SP4: variants seen among roughly 807,000 people sequenced by gnomAD.
The protein encoded by SP4 is transcription factor Sp4.
SP4 carries 19 observed loss-of-function variants against 72.8 expected under a neutral mutation model. The ratio of observed to expected loss-of-function variants is 0.26; its 90% CI spans 0.18 to 0.38. The LOEUF (loss-of-function observed/expected upper bound fraction) is 0.38. Among genes scored for constraint, SP4 ranks in the 10% least tolerant of loss-of-function variants. SP4 has a pLI of 1.00. For synonymous variants in SP4, 395 were observed against 333.1 expected (o/e 1.19, Z -2.02); for missense variants, 1,008 against 926.3 (o/e 1.09, Z -1.14).
intron 3 of SP4, among the ~76,000 whole-genome samples, chr7:21,446,828 T>TC (rs1437663942): frequency 6.6e-6 from 1 of 151,880 alleles, no homozygotes; most frequent in Non-Finnish European, 1.5e-5. Context: ...AAATTCTTTT[T>TC]TTTTTTTCTT....
At position 21,430,273 on chromosome 7, in the gene SP4, T is replaced by A; in HGVS notation, c.1108T>A (p.Ser370Thr). The change falls in exon 3 of 6, where the codon TCT becomes ACT. Residue 370 changes from serine (S) to threonine (T), a missense_variant. By Grantham distance (58) the Ser-to-Thr change is moderately conservative (BLOSUM62 1). Around this residue, in one of 3 missense-constraint regions of SP4, gnomAD observed 893 missense variants for 743.3 expected, o/e 1.20. Transcript: ENST00000222584. ...EESQTPAATESEAQSSSQLQP... is the reference protein window; with the variant it reads ...EESQTPAATETEAQSSSQLQP... ...ATCTCAAACACCTGCTGCTACTGAG[T>A]CTGAAGCCCAGAGCTCCAGTCAGCT... 1 of 1,614,204 alleles carries A rather than the reference T, an allele frequency of 6.2e-7. No homozygotes were observed. Among genetic ancestry groups the A allele is most frequent in the Non-Finnish European group, 8.5e-7 (1 of 1,180,038 alleles).
intron 1 of SP4, 76 bp downstream of exon 1, chr7:21,428,334 T>TC (rs1369465884): frequency 5.4e-6 from 4 of 742,208 alleles, no homozygotes; most frequent in African/African-American, 5.2e-5. Flanking sequence ...TGCTCGGTTC[T>TC]CCCCCCTCCC....
At chr7:21,472,953 G>C (rs770319952) in intron 3 of SP4, among the ~76,000 whole-genome samples, 10 of 152,168 alleles carry the variant, frequency 6.6e-5, no homozygotes, top group Non-Finnish European at 1.3e-4. Flanking sequence ...AATAGATTTG[G>C]TCATTAGAAG....
intron 5 of SP4, among the ~76,000 whole-genome samples, chr7:21,506,343 C>G (rs1487403809): frequency 2.6e-5 from 4 of 152,168 alleles, no homozygotes; most frequent in Admixed American, 6.5e-5. Flanking sequence ...TCAGAAGGTG[C>G]TCCTGCCCCC....
At chr7:21,485,925 G>A (rs1264213363) in intron 5 of SP4, among the ~76,000 whole-genome samples, 2 of 151,644 alleles carry the variant, frequency 1.3e-5, no homozygotes, top group Non-Finnish European at 2.9e-5. Flanking sequence ...ATCTCATATT[G>A]GTTCTCAAGA....
At chr7:21,464,940 A>AT (rs2128403814) in intron 3 of SP4, among the ~76,000 whole-genome samples, 1 of 152,234 alleles carries the variant, frequency 6.6e-6, no homozygotes, top group South Asian at 2.1e-4. Context: ...TTTTTGATTT[A>AT]TTTTTCACCA....
At chr7:21,461,726 G>A (rs540763650) in intron 3 of SP4, among the ~76,000 whole-genome samples, 72 of 152,298 alleles carry the variant, frequency 4.7e-4, no homozygotes, top group East Asian at 7.7e-4. Flanking sequence ...CTCCTCAAGC[G>A]CAGCCAGAAT....
intron 3 of SP4, among the ~76,000 whole-genome samples, chr7:21,458,071 A>T (rs1217431782): frequency 2.0e-5 from 3 of 152,196 alleles, no homozygotes; most frequent in African/African-American, 4.8e-5. Context: ...GTCATGTATT[A>T]AAAGGATTTG....
intron 5 of SP4, among the ~76,000 whole-genome samples, chr7:21,502,396 T>C (rs1781893718): frequency 6.6e-6 from 1 of 152,092 alleles, no homozygotes; most frequent in Admixed American, 6.5e-5. Context: ...GTAGTTCATA[T>C]TCCCTGTAGA....
In SP4 at chr7:21,430,241, T is replaced by C. The variant is rs761698126; in HGVS notation, c.1076T>C (p.Ile359Thr). The C allele has an allele frequency of 2.5e-6, 4 of 1,614,224 alleles. No homozygotes were observed. Among genetic ancestry groups the C allele is most frequent in the South Asian group, 2.2e-5 (2 of 91,090 alleles). The stretch of plus-strand genomic sequence containing the variant: ...TCAGCCAGTAGTTCTGAACGCACCA[T>C]TGAAGAATCTCAAACACCTGCTGCT... ...STSASSSERTIEESQTPAATE... is the reference protein window; with the variant it reads ...STSASSSERTTEESQTPAATE... Residue 359 changes from isoleucine to threonine, a missense_variant, in exon 3 of 6, where the codon ATT becomes ACT. Physicochemically the swap from Ile to Thr is moderately conservative, Grantham distance 89. Coordinates refer to ENST00000222584, the MANE Select transcript of SP4 (RefSeq NM_003112.5).
chr7:21,449,736 A>G (rs1466298886), intron 3 of SP4, among the ~76,000 whole-genome samples: 1 of 152,190 alleles, frequency 6.6e-6, no homozygotes, highest in Non-Finnish European at 1.5e-5. Flanking sequence ...GTGTGAATAT[A>G]TGGTTTACCC....
intron 3 of SP4, among the ~76,000 whole-genome samples, chr7:21,459,255 T>G (rs6978922): frequency 0.77 from 116,891 of 152,072 alleles, 45,653 homozygotes; most frequent in African/African-American, 0.91. Flanking sequence ...GGGTAGCTGG[T>G]ACTACAGGCA....
At chr7:21,463,272 G>A (rs1784052869) in intron 3 of SP4, among the ~76,000 whole-genome samples, 1 of 152,110 alleles carries the variant, frequency 6.6e-6, no homozygotes, top group South Asian at 2.1e-4. Flanking sequence ...AAGGAAAGGG[G>A]AATGAGGATT....
At chr7:21,469,239 A>G (rs569969432) in intron 3 of SP4, among the ~76,000 whole-genome samples, 30 of 152,212 alleles carry the variant, frequency 2.0e-4, no homozygotes, top group African/African-American at 6.5e-4. Context: ...GTAAAAGAGG[A>G]TAATACAGAA....
In SP4 at chr7:21,445,406, T is replaced by C. The variant is rs570541862; in HGVS notation, c.1678+14563T>C. Among the ~76,000 whole-genome samples, 9 of 152,316 alleles carry C rather than the reference T, an allele frequency of 5.9e-5. No homozygotes were observed. In the East Asian group the frequency reaches 1.3e-3, roughly 23 times the overall value. On this transcript the variant is annotated intron_variant, in intron 3 of 5. Transcript: ENST00000222584. ...AGTATATGTGTAGAATTTATGTTCTTTAGCTAATCCTGCATGTAATTTTTA... is the reference window on the plus strand; with the variant it reads ...AGTATATGTGTAGAATTTATGTTCTCTAGCTAATCCTGCATGTAATTTTTA...
intron 3 of SP4, among the ~76,000 whole-genome samples, chr7:21,465,975 T>A (rs983924258): frequency 1.3e-5 from 2 of 152,196 alleles, no homozygotes; most frequent in Non-Finnish European, 2.9e-5. Flanking sequence ...CTCAGGGTTA[T>A]GTCTTTAAAT....
At chr7:21,496,452 C>T (rs1426559095) in intron 5 of SP4, among the ~76,000 whole-genome samples, 1 of 152,156 alleles carries the variant, frequency 6.6e-6, no homozygotes, top group African/African-American at 2.4e-5. Context: ...AAAGGGACTC[C>T]TGAAAATTAT....
At chr7:21,504,668 T>C (rs368130688) in intron 5 of SP4, among the ~76,000 whole-genome samples, 7 of 152,338 alleles carry the variant, frequency 4.6e-5, no homozygotes, top group African/African-American at 1.7e-4. Context: ...GGCAAATATT[T>C]GTTGTTACAA....
intron 4 of SP4, among the ~76,000 whole-genome samples, chr7:21,480,073 T>C (rs1056491956): frequency 3.3e-5 from 5 of 152,192 alleles, no homozygotes; most frequent in Non-Finnish European, 7.3e-5. Context: ...GAGATAGTTT[T>C]TACTTTTTCC....
Sources: allele counts gnomAD v4.1 joint callset (sites outside exome capture counted in the v4.1 genomes callset), GRCh38; gene constraint gnomAD v4.1.1; regional missense constraint gnomAD v4.1.1; transcripts MANE v1.5; gene names NCBI Gene and HGNC (gene_info 2026-07-23, HGNC 2026-07-21).